PUM1: variants seen among roughly 807,000 people sequenced by gnomAD.
PUM1 encodes pumilio RNA binding family member 1.
Under a neutral mutation model 131.8 loss-of-function variants are expected in PUM1, and 13 were observed. The observed-to-expected ratio is 0.10, with a 90% CI of 0.06 to 0.16. The LOEUF (loss-of-function observed/expected upper bound fraction) is 0.16. Ranked by LOEUF, PUM1 falls within the 10% of genes least tolerant of loss-of-function variation. PUM1 has a pLI of 1.00. For synonymous variants in PUM1, 509 were observed against 556.5 expected, an observed-to-expected ratio of 0.91 and a Z score of 1.20; for missense variants, 961 against 1,512.4, an observed-to-expected ratio of 0.64 and a Z score of 6.05.
chr1:30,974,049 C>T (rs1446973261), intron 10 of PUM1, among the ~76,000 whole-genome samples: 3 of 150,254 alleles, frequency 2.0e-5, no homozygotes, highest in Admixed American at 6.6e-5. Context: ...GATTGCACCA[C>T]GGCATTCCAG....
chr1:31,003,115 A>T (rs1642273802), intron 5 of PUM1, among the ~76,000 whole-genome samples: 1 of 152,206 alleles, frequency 6.6e-6, no homozygotes, highest in Non-Finnish European at 1.5e-5. Context: ...AGCTCTCAGG[A>T]TTAAAGTGAG....
intron 14 of PUM1, among the ~76,000 whole-genome samples, chr1:30,954,716 G>A (rs1640076290): frequency 1.3e-5 from 2 of 152,076 alleles, no homozygotes; most frequent in Non-Finnish European, 2.9e-5. Flanking sequence ...TGGGTGACAA[G>A]GGAATAATTG....
At chr1:30,952,919 T>C (rs1213526350) in intron 15 of PUM1, among the ~76,000 whole-genome samples, 19 of 151,938 alleles carry the variant, frequency 1.3e-4, no homozygotes, top group Admixed American at 1.2e-3. Flanking sequence ...GAGCTTGCAA[T>C]GAGCCAAGAT....
intron 3 of PUM1, among the ~76,000 whole-genome samples, chr1:31,013,043 T>C (rs1642679600): frequency 1.3e-5 from 2 of 152,196 alleles, no homozygotes; most frequent in African/African-American, 4.8e-5. Context: ...ACTATCCTTC[T>C]TTAAAAGAGC....
At position 31,049,472 on chromosome 1, in the gene PUM1, C is replaced by T. The variant is rs146312565; in HGVS notation, c.363+9732G>A. ...CAGAGGTTGCAGTGAGCCAAGATCG[C>T]GCCATTGCACTCCAGCCTGGGCAAC... On this transcript the variant is annotated intron_variant, in intron 2 of 21. Coordinates refer to ENST00000426105, the MANE Select transcript of PUM1 (RefSeq NM_001020658.2). Among the ~76,000 whole-genome samples, 123 of 150,042 alleles carry T rather than the reference C, an allele frequency of 8.2e-4. 1 individual carries two copies. The highest frequency in any genetic ancestry group is 2.8e-3 in the African/African-American group (115 of 40,804).
At chr1:30,958,703 G>A (rs996456365) in intron 14 of PUM1, among the ~76,000 whole-genome samples, 1 of 152,068 alleles carries the variant, frequency 6.6e-6, no homozygotes, top group Non-Finnish European at 1.5e-5. Flanking sequence ...TACTAGACAT[G>A]GATGTTTCAG....
At chr1:31,062,169 G>A (rs1644381016) in intron 1 of PUM1, among the ~76,000 whole-genome samples, 1 of 152,200 alleles carries the variant, frequency 6.6e-6, no homozygotes, top group African/African-American at 2.4e-5. Context: ...CCCCTTGCAG[G>A]AGTAACTCAA....
intron 7 of PUM1, among the ~76,000 whole-genome samples, chr1:30,985,518 G>A (rs1641518074): frequency 6.6e-6 from 1 of 151,964 alleles, no homozygotes; most frequent in Non-Finnish European, 1.5e-5. Context: ...CGGGAGTGGT[G>A]GTGCAGGCCT....
chr1:30,965,533 T>C (rs1410979364), intron 13 of PUM1, among the ~76,000 whole-genome samples: 1 of 152,234 alleles, frequency 6.6e-6, no homozygotes, highest in African/African-American at 2.4e-5. Context: ...TCCTTCCTCC[T>C]AATTTTCCAC....
At chr1:30,990,623 G>A (rs1641751086) in intron 7 of PUM1, among the ~76,000 whole-genome samples, 1 of 151,610 alleles carries the variant, frequency 6.6e-6, no homozygotes, top group South Asian at 2.1e-4. Flanking sequence ...TAAAGATATA[G>A]GAGGCTTACG....
intron 1 of PUM1, among the ~76,000 whole-genome samples, chr1:31,059,888 C>T (rs1644329533): frequency 6.6e-6 from 1 of 151,706 alleles, no homozygotes. Flanking sequence ...CCCCTGTTGC[C>T]CAGGCTAGGG....
intron 2 of PUM1, 90 bp from the exon 3 acceptor site, chr1:31,028,954 T>C: frequency 9.6e-7 from 1 of 1,044,676 alleles, no homozygotes; most frequent in Non-Finnish European, 1.5e-6. Flanking sequence ...TTATTCTATG[T>C]TTACTTTCAG....
chr1:30,951,226 C>T (rs542005998), intron 16 of PUM1, among the ~76,000 whole-genome samples: 2 of 152,186 alleles, frequency 1.3e-5, no homozygotes, highest in African/African-American at 4.8e-5. Flanking sequence ...TTTTGTCACC[C>T]CAAGGTGCAT....
intron 3 of PUM1, among the ~76,000 whole-genome samples, chr1:31,010,678 T>C (rs1400509615): frequency 6.6e-6 from 1 of 152,174 alleles, no homozygotes; most frequent in Admixed American, 6.5e-5. Flanking sequence ...ATTCTGATGG[T>C]TGATACCACA....
intron 2 of PUM1, among the ~76,000 whole-genome samples, chr1:31,038,984 A>ATATATATTTTTTTTTTTTTTTTTTT: frequency 1.0e-4 from 5 of 49,420 alleles, no homozygotes; most frequent in African/African-American, 8.3e-4. Flanking sequence ...ATATATATAT[A>ATATATATTTTTTTTTTTTTTTTTTT]TTTTTTTTTT....
intron 17 of PUM1, among the ~76,000 whole-genome samples, chr1:30,948,047 T>C (rs113906977): frequency 6.6e-6 from 1 of 151,850 alleles, no homozygotes; most frequent in African/African-American, 2.4e-5. Flanking sequence ...GGGGTTTCAC[T>C]ATGCTGCCCA....
At chr1:30,975,418 T>C (rs912792521) in intron 9 of PUM1, among the ~76,000 whole-genome samples, 4 of 151,466 alleles carry the variant, frequency 2.6e-5, no homozygotes, top group African/African-American at 9.7e-5. Context: ...TGAGGCAATC[T>C]CAGCTCACTG....
intron 3 of PUM1, among the ~76,000 whole-genome samples, chr1:31,025,519 T>C (rs1407381205): frequency 6.6e-6 from 1 of 151,368 alleles, no homozygotes; most frequent in Non-Finnish European, 1.5e-5. Context: ...AGTGTTTATA[T>C]GGGTAAATAC....
intron 14 of PUM1, among the ~76,000 whole-genome samples, chr1:30,956,809 G>T (rs958856641): frequency 6.6e-6 from 1 of 152,236 alleles, no homozygotes; most frequent in African/African-American, 2.4e-5. Flanking sequence ...CCAGGTCCTT[G>T]GTGACAATGT....
Sources: allele counts gnomAD v4.1 joint callset (sites outside exome capture counted in the v4.1 genomes callset), GRCh38; gene constraint gnomAD v4.1.1; transcripts MANE v1.5; gene names NCBI Gene and HGNC (gene_info 2026-07-23, HGNC 2026-07-21).